Variants in RBFOX1 observed in about 807,000 individuals in gnomAD.
RBFOX1 encodes the protein RNA binding fox-1 homolog 1, also known as RNA binding protein fox-1 homolog 1.
RBFOX1 carries 8 observed loss-of-function variants against 57.7 expected under a neutral mutation model. The observed-to-expected ratio is 0.14, with a 90% CI of 0.08 to 0.25. RBFOX1 has a LOEUF of 0.25. Among genes scored for constraint, RBFOX1 ranks in the 10% least tolerant of loss-of-function variants. The probability of loss-of-function intolerance (pLI) is 1.00; values close to 1 mark genes in which losing one functional copy is unlikely to be tolerated. For synonymous variants in RBFOX1, 326 were observed against 222.4 expected, an observed-to-expected ratio of 1.47 and a Z score of -4.15; for missense variants, 611 against 548.5, an observed-to-expected ratio of 1.11 and a Z score of -1.14.
chr16:5,394,385 G>A (rs1402245087), intron 1 of RBFOX1, among the ~76,000 whole-genome samples: 1 of 152,002 alleles, frequency 6.6e-6, no homozygotes, highest in African/African-American at 2.4e-5. Context: ...TCTATTCCCT[G>A]CCTTTTTTTG....
chr16:6,881,868 C>T (rs1156737412), intron 3 of RBFOX1, among the ~76,000 whole-genome samples: 2 of 152,048 alleles, frequency 1.3e-5, no homozygotes, highest in East Asian at 1.9e-4. Context: ...ATCTTAAGAA[C>T]TGTAGTAAAA....
chr16:6,145,010 T>A (rs2096746782), intron 1 of RBFOX1, among the ~76,000 whole-genome samples: 1 of 152,158 alleles, frequency 6.6e-6, no homozygotes, highest in Admixed American at 6.5e-5. Flanking sequence ...ACCCTGCATT[T>A]TATTTTTTTT....
At chr16:6,100,743 A>G (rs547104851) in intron 1 of RBFOX1, among the ~76,000 whole-genome samples, 3 of 152,218 alleles carry the variant, frequency 2.0e-5, no homozygotes, top group Non-Finnish European at 4.4e-5. Context: ...CGGTCCATCA[A>G]TCTTAATTAA....
intron 3 of RBFOX1, among the ~76,000 whole-genome samples, chr16:5,797,194 A>T (rs1260275683): frequency 6.6e-6 from 1 of 152,206 alleles, no homozygotes; most frequent in Non-Finnish European, 1.5e-5. Flanking sequence ...AGATGCCCAT[A>T]GAGGAAGTTC....
At chr16:6,044,388 G>A (rs1410400602) in intron 1 of RBFOX1, among the ~76,000 whole-genome samples, 3 of 151,838 alleles carry the variant, frequency 2.0e-5, no homozygotes. Context: ...GTTCCTCCTG[G>A]TGTCTGTTAC....
At chr16:7,164,984 A>G (rs1028481810) in intron 4 of RBFOX1, among the ~76,000 whole-genome samples, 3 of 152,156 alleles carry the variant, frequency 2.0e-5, no homozygotes, top group Non-Finnish European at 2.9e-5. Flanking sequence ...CTCTCCCTGA[A>G]TTTGGAGCCC....
At chr16:5,884,508 A>G (rs980638298) in intron 4 of RBFOX1, among the ~76,000 whole-genome samples, 7 of 137,786 alleles carry the variant, frequency 5.1e-5, no homozygotes, top group Admixed American at 4.8e-4. Flanking sequence ...GCTGGACTAC[A>G]TTTCCCAGCC....
At chr16:5,629,962 G>A (rs751979367) in intron 3 of RBFOX1, among the ~76,000 whole-genome samples, 6 of 152,184 alleles carry the variant, frequency 3.9e-5, no homozygotes, top group African/African-American at 9.6e-5. Flanking sequence ...GGAGAGCTCC[G>A]TGCCTGGTGA....
intron 4 of RBFOX1, among the ~76,000 whole-genome samples, chr16:7,127,335 T>C (rs1481860536): frequency 6.6e-6 from 1 of 152,216 alleles, no homozygotes. Context: ...AGGTTAAAAG[T>C]AACAATCTCA....
chr16:6,121,235 A>G (rs1043669829), intron 1 of RBFOX1, among the ~76,000 whole-genome samples: 78 of 152,172 alleles, frequency 5.1e-4, no homozygotes, highest in Non-Finnish European at 1.9e-4. Context: ...GAGCTGGTCA[A>G]AACATGAGAC....
intron 4 of RBFOX1, among the ~76,000 whole-genome samples, chr16:5,937,388 C>G (rs776988147): frequency 1.2e-4 from 18 of 152,222 alleles, no homozygotes; most frequent in Non-Finnish European, 2.5e-4. Context: ...GGTTTACATT[C>G]TAGAGTAGAG....
intron 14 of RBFOX1, among the ~76,000 whole-genome samples, chr16:7,689,508 T>C (rs56162923): frequency 0.16 from 23,772 of 152,060 alleles, 2,324 homozygotes; most frequent in East Asian, 0.28. Flanking sequence ...TGAGTTCTTA[T>C]TAAGTGTATA....
At chr16:6,205,626 G>T (rs563208187) in intron 1 of RBFOX1, among the ~76,000 whole-genome samples, 1 of 152,164 alleles carries the variant, frequency 6.6e-6, no homozygotes, top group African/African-American at 2.4e-5. Context: ...TGACGGTAAA[G>T]GCTGTGAGTC....
chr16:6,640,565 G>A (rs948283135), intron 2 of RBFOX1, among the ~76,000 whole-genome samples: 7 of 152,056 alleles, frequency 4.6e-5, no homozygotes, highest in Non-Finnish European at 7.4e-5. Context: ...CTGTGATCAT[G>A]CCACTGCACT....
At chr16:6,538,809 C>G (rs151324812) in intron 2 of RBFOX1, among the ~76,000 whole-genome samples, 1 of 152,038 alleles carries the variant, frequency 6.6e-6, no homozygotes, top group East Asian at 1.9e-4. Flanking sequence ...TGCTAATATG[C>G]GGTTCTTTGT....
intron 4 of RBFOX1, among the ~76,000 whole-genome samples, chr16:7,403,562 T>TC (rs33991020): frequency 0.21 from 23,814 of 114,066 alleles, 2,786 homozygotes; most frequent in East Asian, 0.37. Flanking sequence ...AATGAGAGAA[T>TC]CCCCCCCCCC....
intron 3 of RBFOX1, among the ~76,000 whole-genome samples, chr16:5,805,160 G>T (rs1319180488): frequency 6.6e-6 from 1 of 152,060 alleles, no homozygotes; most frequent in African/African-American, 2.4e-5. Context: ...GCTGGGTTAT[G>T]GATGGCACTA....
chr16:5,476,103 C>G (rs1267039261), intron 2 of RBFOX1, among the ~76,000 whole-genome samples: 1 of 152,044 alleles, frequency 6.6e-6, no homozygotes, highest in Non-Finnish European at 1.5e-5. Context: ...TGTTATTGAC[C>G]CCAGACTTTG....
chr16:5,773,369 C>G (rs529665532), intron 3 of RBFOX1, among the ~76,000 whole-genome samples: 68 of 152,340 alleles, frequency 4.5e-4, no homozygotes, highest in African/African-American at 1.4e-3. Context: ...CATTCAAACA[C>G]ACACACATCC....
Sources: allele counts gnomAD v4.1 joint callset (sites outside exome capture counted in the v4.1 genomes callset), GRCh38; gene constraint gnomAD v4.1.1; transcripts MANE v1.5; gene names NCBI Gene and HGNC (gene_info 2026-07-23, HGNC 2026-07-21).